PLXNA2: variants seen among roughly 807,000 people sequenced by gnomAD.
The protein encoded by PLXNA2 is plexin-A2.
PLXNA2 carries 91 observed loss-of-function variants against 193.5 expected under a neutral mutation model. The observed-to-expected ratio is 0.47, with a 90% CI of 0.40 to 0.56. The LOEUF (loss-of-function observed/expected upper bound fraction) is 0.56. PLXNA2 is among the 20% of genes least tolerant of loss of function. The probability of loss-of-function intolerance (pLI) is 0.00; values close to 1 mark genes in which losing one functional copy is unlikely to be tolerated. For missense variants in PLXNA2, 1,995 were observed against 2,503.2 expected (o/e 0.80, Z 4.33); for synonymous variants, 997 against 1,027.3 (o/e 0.97, Z 0.56).
chr1:208,173,984 A>G (rs577861299), intron 3 of PLXNA2, among the ~76,000 whole-genome samples: 1 of 152,368 alleles, frequency 6.6e-6, no homozygotes, highest in East Asian at 1.9e-4. Flanking sequence ...ACACAGAAGC[A>G]CATATGCTGG....
chr1:208,090,409 G>T (rs1198004107), intron 9 of PLXNA2, among the ~76,000 whole-genome samples: 1 of 152,156 alleles, frequency 6.6e-6, no homozygotes, highest in Admixed American at 6.5e-5. Context: ...ATCCCGAGTT[G>T]CAGGGAGGCA....
At chr1:208,159,279 A>G (rs1401430594) in intron 3 of PLXNA2, among the ~76,000 whole-genome samples, 7 of 152,214 alleles carry the variant, frequency 4.6e-5, no homozygotes, top group Non-Finnish European at 1.0e-4. Context: ...GCTGAAGGTA[A>G]TGACATTTTG....
At chr1:208,141,258 G>A (rs750251274) in intron 4 of PLXNA2, among the ~76,000 whole-genome samples, 4 of 152,016 alleles carry the variant, frequency 2.6e-5, no homozygotes, top group East Asian at 1.9e-4. Flanking sequence ...TTACTTCTTC[G>A]CTCATCCCTC....
At chr1:208,157,709 C>T (rs1392464169) in intron 3 of PLXNA2, among the ~76,000 whole-genome samples, 1 of 152,150 alleles carries the variant, frequency 6.6e-6, no homozygotes, top group Non-Finnish European at 1.5e-5. Context: ...GGTTCAAGTT[C>T]TGGGTATTTG....
At chr1:208,170,945 G>A (rs965237279) in intron 3 of PLXNA2, among the ~76,000 whole-genome samples, 1 of 152,238 alleles carries the variant, frequency 6.6e-6, no homozygotes, top group Non-Finnish European at 1.5e-5. Context: ...ATGCCAGTGA[G>A]CAAATGCTGA....
chr1:208,076,241 AATT>A (rs1666145948), intron 12 of PLXNA2, among the ~76,000 whole-genome samples: 1 of 151,546 alleles, frequency 6.6e-6, no homozygotes, highest in Admixed American at 6.6e-5. Flanking sequence ...CAAAATTTAG[AATT>A]ATTATTATTA....
Position 208,092,833 on chromosome 1 carries a change from C to A in PLXNA2, c.2050G>T (p.Asp684Tyr). The change falls in exon 9 of 32, where the codon GAC becomes TAC. Residue 684 changes from aspartate to tyrosine, a missense_variant. Physicochemically the swap from Asp to Tyr is radical, Grantham distance 160. Around this residue, in one of 3 missense-constraint regions of PLXNA2, gnomAD observed 1,291 missense variants for 1,673.6 expected, o/e 0.77. Coordinates refer to ENST00000367033, the MANE Select transcript of PLXNA2 (RefSeq NM_025179.4). ...WCKYRNLCTH[D>Y]PTTCSFQEGR... Reference sequence around the variant, plus strand: ...TCCTGGAAGGAGCAGGTGGTGGGGTCATGAGTGCAGAGGTTGCGGTACTTG... The same window carrying A: ...TCCTGGAAGGAGCAGGTGGTGGGGTAATGAGTGCAGAGGTTGCGGTACTTG... 1 of 1,613,986 alleles carries A rather than the reference C, an allele frequency of 6.2e-7. No individual in the cohort carries two copies. Among genetic ancestry groups the A allele is most frequent in the South Asian group, 1.1e-5 (1 of 91,054 alleles).
chr1:208,155,330 G>C (rs960518487), intron 3 of PLXNA2, among the ~76,000 whole-genome samples: 1 of 152,066 alleles, frequency 6.6e-6, no homozygotes, highest in Non-Finnish European at 1.5e-5. Context: ...CAAGGGGGAG[G>C]CTCCAGTCCT....
intron 14 of PLXNA2, 25 bp downstream of exon 14, chr1:208,054,396 A>T (rs1390014846): frequency 1.3e-6 from 2 of 1,519,952 alleles, no homozygotes; most frequent in African/African-American, 1.4e-5. Context: ...GGGCACCTGC[A>T]CCTGGCCCTG....
rs373469467 is a variant in PLXNA2, at chr1:208,030,853, A to T, written c.5225+737T>A. On this transcript the variant is annotated intron_variant, in intron 29 of 31. Transcript: ENST00000367033. ...CCGGGTCCTGTCTGACCTGAAAGCC[A>T]GTCCTTAGCTTGGTCTGTGGTCCAG... The T allele has an allele frequency of 2.1e-3, 2,043 of 985,426 alleles. 3 individuals are homozygous for T. The highest frequency in any genetic ancestry group is 2.6e-3 in the Admixed American group (43 of 16,290). 61.0% of individuals were successfully genotyped at this position (985,426 alleles called of 1,614,324 possible).
At chr1:208,151,540 G>C (rs981245096) in intron 3 of PLXNA2, among the ~76,000 whole-genome samples, 13 of 152,146 alleles carry the variant, frequency 8.5e-5, no homozygotes, top group African/African-American at 3.1e-4. Flanking sequence ...CTCCTCAAAA[G>C]GGGGCAGGAC....
intron 12 of PLXNA2, among the ~76,000 whole-genome samples, chr1:208,062,381 C>G (rs569070023): frequency 6.6e-6 from 1 of 152,224 alleles, no homozygotes; most frequent in Admixed American, 6.5e-5. Flanking sequence ...AATTCAGCCA[C>G]CAACCACCAA....
At chr1:208,079,886 C>A (rs1485347056) in intron 11 of PLXNA2, among the ~76,000 whole-genome samples, 2 of 152,080 alleles carry the variant, frequency 1.3e-5, no homozygotes, top group African/African-American at 4.8e-5. Flanking sequence ...ATTATGTTTT[C>A]TTTGAACTCG....
chr1:208,201,864 GATCT>G (rs1342945338), intron 3 of PLXNA2, among the ~76,000 whole-genome samples: 7 of 151,848 alleles, frequency 4.6e-5, no homozygotes, highest in Non-Finnish European at 1.0e-4. Context: ...ATTTCTTTAT[GATCT>G]ATTTTTTCCT....
In PLXNA2 at chr1:208,045,968, G is replaced by T; in HGVS notation, c.3405C>A (p.Thr1135=). 6.2e-7 allele frequency: 1 copy of T among 1,614,238 alleles called. No individual in the cohort carries two copies. The highest frequency in any genetic ancestry group is 8.5e-7 in the Non-Finnish European group (1 of 1,180,042). ...NVQSLLIYND[T]KFIYYPNPTF... is the part of the protein sequence containing the mutation. The stretch of plus-strand genomic sequence containing the variant: ...TCGGGTTGGGGTAGTAGATAAACTT[G>T]GTGTCGTTGTAAATTAGCAAGGATT... Residue 1135 remains threonine, a synonymous_variant, in exon 18 of 32, where the codon ACC becomes ACA. Transcript: ENST00000367033.
chr1:208,050,226 G>A (rs1263605583), intron 17 of PLXNA2, among the ~76,000 whole-genome samples: 1 of 152,244 alleles, frequency 6.6e-6, no homozygotes, highest in Non-Finnish European at 1.5e-5. Flanking sequence ...GCCACGGGCT[G>A]GCAGGTTATG....
intron 14 of PLXNA2, among the ~76,000 whole-genome samples, chr1:208,053,045 A>G (rs1381419400): frequency 6.6e-6 from 1 of 152,208 alleles, no homozygotes; most frequent in Non-Finnish European, 1.5e-5. Context: ...GGGGCTTTCT[A>G]CTAAGCTCAC....
At chr1:208,131,665 C>T (rs1442849040) in intron 4 of PLXNA2, among the ~76,000 whole-genome samples, 1 of 152,158 alleles carries the variant, frequency 6.6e-6, no homozygotes, top group Non-Finnish European at 1.5e-5. Flanking sequence ...GCATGGTTCA[C>T]ACTTGAAACA....
intron 13 of PLXNA2, among the ~76,000 whole-genome samples, chr1:208,058,200 A>G (rs182726700): frequency 6.6e-5 from 10 of 152,294 alleles, no homozygotes; most frequent in African/African-American, 2.4e-4. Context: ...TGAGGATCTA[A>G]GGGGAATCTG....
Sources: gnomAD v4.1 joint callset for allele counts (sites outside exome capture counted in the v4.1 genomes callset) on GRCh38, gnomAD v4.1.1 for gene constraint, gnomAD v4.1.1 regional missense constraint, MANE v1.5 for transcripts, NCBI Gene and HGNC (gene_info 2026-07-23, HGNC 2026-07-21) for gene names.